SLC44A5: variants seen among roughly 807,000 people sequenced by gnomAD.
The protein encoded by SLC44A5 is solute carrier family 44 member 5, also known as choline transporter-like protein 5.
In SLC44A5, 57 loss-of-function variants were observed where a neutral mutation model predicts 101.8. The ratio of observed to expected loss-of-function variants is 0.56; its 90% CI spans 0.45 to 0.70. The LOEUF (loss-of-function observed/expected upper bound fraction) is 0.70, where lower values mean the gene tolerates loss of function less well. SLC44A5 is among the 30% of genes least tolerant of loss of function. The pLI, the probability that SLC44A5 is intolerant of heterozygous loss-of-function variation, is 0.00. For synonymous variants in SLC44A5, 281 were observed against 290.9 expected (o/e 0.97, Z 0.35); for missense variants, 737 against 853.1 (o/e 0.86, Z 1.70).
intron 3 of SLC44A5, among the ~76,000 whole-genome samples, chr1:75,372,722 C>G: frequency 6.6e-6 from 1 of 151,922 alleles, no homozygotes; most frequent in East Asian, 1.9e-4. Flanking sequence ...TGTTTACTGA[C>G]CAAAAATTGA....
At position 75,467,816 on chromosome 1, in the gene SLC44A5, G is replaced by A. The variant is rs190109636; in HGVS notation, c.14-71195C>T. 3.3e-5 allele frequency among the ~76,000 whole-genome samples: 5 copies of A among 152,018 alleles called. No homozygotes were observed. The South Asian group carries it at 1.0e-3, about 31-fold the overall frequency. ...TACCCCACAAGTGCAGGCAATCAAA[G>A]CAAAAATGGACAAATGAGATAACAT... is the stretch of plus-strand genomic sequence containing the variant. On this transcript the variant is annotated intron_variant, in intron 2 of 23. Transcript: ENST00000370859.
intron 6 of SLC44A5, among the ~76,000 whole-genome samples, chr1:75,252,895 T>A (rs1009028416): frequency 6.6e-6 from 1 of 152,082 alleles, no homozygotes; most frequent in Non-Finnish European, 1.5e-5. Context: ...TCACCAGGGA[T>A]GGAGCTGAAA....
chr1:75,519,139 A>C (rs1272068199), intron 2 of SLC44A5, among the ~76,000 whole-genome samples: 1 of 152,134 alleles, frequency 6.6e-6, no homozygotes, highest in African/African-American at 2.4e-5. Flanking sequence ...TCTAAAAATT[A>C]ACTTTTTCAT....
At chr1:75,472,463 C>G (rs1455701039) in intron 2 of SLC44A5, among the ~76,000 whole-genome samples, 1 of 152,026 alleles carries the variant, frequency 6.6e-6, no homozygotes, top group Non-Finnish European at 1.5e-5. Context: ...TCTTACAGTT[C>G]TTTTACATAA....
intron 4 of SLC44A5, among the ~76,000 whole-genome samples, chr1:75,309,920 C>A (rs1300448724): frequency 6.6e-6 from 1 of 152,126 alleles, no homozygotes; most frequent in Non-Finnish European, 1.5e-5. Flanking sequence ...TACGAAAATT[C>A]TTTTTTGTGA....
rs142875409 is a variant in SLC44A5 at position 75,281,282 on chromosome 1, G to A, written c.176-6240C>T. Among the ~76,000 whole-genome samples the A allele has an allele frequency of 3.3e-3, 506 of 152,214 alleles. 2 individuals are homozygous for A. The highest frequency in any genetic ancestry group is 0.012 in the African/African-American group (489 of 41,530). ...GTGACTCTTGCTATGCTTTAGCAAG[G>A]AGAATGGCAGCATTTTGCCCCTGCC... is the stretch of plus-strand genomic sequence containing the variant. On this transcript the variant is annotated intron_variant, in intron 5 of 23. Transcript: ENST00000370859.
chr1:75,530,088 G>A (rs1043690986), intron 2 of SLC44A5, among the ~76,000 whole-genome samples: 4 of 151,984 alleles, frequency 2.6e-5, no homozygotes, highest in African/African-American at 9.7e-5. Flanking sequence ...TTGCTCTGTG[G>A]CCCAGGCTGG....
At chr1:75,585,340 G>A (rs997294721) in intron 1 of SLC44A5, among the ~76,000 whole-genome samples, 1 of 152,168 alleles carries the variant, frequency 6.6e-6, no homozygotes, top group African/African-American at 2.4e-5. Flanking sequence ...ATGCCAGTAA[G>A]TATTTGCTGA....
At chr1:75,573,127 C>CAAAAAAAAAAAAAAA (rs745593621) in intron 1 of SLC44A5, among the ~76,000 whole-genome samples, 2 of 16,686 alleles carry the variant, frequency 1.2e-4, no homozygotes, top group African/African-American at 2.5e-4. Context: ...GGCTCCATCT[C>CAAAAAAAAAAAAAAA]AAAAAAAAAA....
chr1:75,390,902 T>C (rs1661743100), intron 3 of SLC44A5, among the ~76,000 whole-genome samples: 3 of 152,072 alleles, frequency 2.0e-5, no homozygotes, highest in Admixed American at 2.0e-4. Context: ...ATATGTAAAA[T>C]TGTCCATCTC....
chr1:75,312,705 A>T (rs1655403089), intron 4 of SLC44A5, among the ~76,000 whole-genome samples: 1 of 151,238 alleles, frequency 6.6e-6, no homozygotes, highest in African/African-American at 2.4e-5. Flanking sequence ...TATTATATAT[A>T]TAGCAGCACA....
intron 3 of SLC44A5, among the ~76,000 whole-genome samples, chr1:75,385,500 T>G (rs1209293327): frequency 6.6e-6 from 1 of 152,054 alleles, no homozygotes; most frequent in African/African-American, 2.4e-5. Context: ...CTCCCAAGAC[T>G]AAACCAGGAA....
intron 4 of SLC44A5, among the ~76,000 whole-genome samples, chr1:75,307,585 T>G (rs1428893378): frequency 2.0e-5 from 3 of 152,210 alleles, no homozygotes; most frequent in Admixed American, 1.3e-4. Flanking sequence ...CCATGTAAGT[T>G]AAAAATATTT....
chr1:75,591,407 A>G (rs1674345349), intron 1 of SLC44A5, among the ~76,000 whole-genome samples: 1 of 152,178 alleles, frequency 6.6e-6, no homozygotes, highest in Non-Finnish European at 1.5e-5. Context: ...GGTTAAACCC[A>G]CTTGATCACG....
At chr1:75,226,399 T>C (rs935604173) in intron 13 of SLC44A5, among the ~76,000 whole-genome samples, 2 of 152,136 alleles carry the variant, frequency 1.3e-5, no homozygotes, top group Non-Finnish European at 2.9e-5. Context: ...TTCTGATTGG[T>C]AATCTTGCTT....
At chr1:75,652,548 A>C in the SLC44A5 span, among the ~76,000 whole-genome samples, 8 of 152,216 alleles carry the variant, frequency 5.3e-5, no homozygotes, top group African/African-American at 1.9e-4. Context: ...AAATCCCAAC[A>C]CTTTGGGAGG....
intron 4 of SLC44A5, among the ~76,000 whole-genome samples, chr1:75,333,465 T>A (rs1657206389): frequency 6.6e-6 from 1 of 151,676 alleles, no homozygotes; most frequent in Non-Finnish European, 1.5e-5. Context: ...CTATTTTTTT[T>A]TTTTTTGCAC....
chr1:75,440,575 T>C (rs1433326132), intron 2 of SLC44A5, among the ~76,000 whole-genome samples: 2 of 152,098 alleles, frequency 1.3e-5, no homozygotes, highest in Admixed American at 6.6e-5. Flanking sequence ...GAAAAGCTAT[T>C]AGAGGGTTTT....
intron 7 of SLC44A5, among the ~76,000 whole-genome samples, chr1:75,243,606 G>A (rs1255177814): frequency 6.6e-6 from 1 of 152,034 alleles, no homozygotes; most frequent in African/African-American, 2.4e-5. Context: ...ATGTAGTTGT[G>A]AGGAATAATA....
Sources: allele counts gnomAD v4.1 joint callset (sites outside exome capture counted in the v4.1 genomes callset), GRCh38; gene constraint gnomAD v4.1.1; transcripts MANE v1.5; gene names NCBI Gene and HGNC (gene_info 2026-07-23, HGNC 2026-07-21).